The following NUP133 variants were observed in gnomAD, a reference collection of about 807,000 sequenced individuals.
The protein encoded by NUP133 is nucleoporin 133, also known as nuclear pore complex protein Nup133.
In NUP133, 66 loss-of-function variants were observed where a neutral mutation model predicts 146.2. The ratio of observed to expected loss-of-function variants is 0.45; its 90% CI spans 0.37 to 0.55. The LOEUF (loss-of-function observed/expected upper bound fraction) is 0.55. NUP133 is among the 20% of genes least tolerant of loss of function. NUP133 has a pLI of 0.00. For synonymous variants in NUP133, 521 were observed against 498.8 expected, an observed-to-expected ratio of 1.04 and a Z score of -0.59; for missense variants, 1,277 against 1,374.8, an observed-to-expected ratio of 0.93 and a Z score of 1.12.
intron 12 of NUP133, among the ~76,000 whole-genome samples, chr1:229,483,680 G>A (rs1661273660): frequency 6.8e-6 from 1 of 146,050 alleles, no homozygotes; most frequent in African/African-American, 2.6e-5. Context: ...ACTCTAGCCT[G>A]GGCGACGGAG....
intron 9 of NUP133, 48 bp from the exon 10 acceptor site, chr1:229,487,661 T>C (rs1265332066): frequency 7.3e-7 from 1 of 1,374,788 alleles, no homozygotes; most frequent in South Asian, 1.3e-5. Context: ...AAAACAAAAA[T>C]ATTTGTATGA....
rs1309999007 is a variant in NUP133 at position 229,441,509 on chromosome 1, A to G, written c.*395T>C. The G allele has an allele frequency of 5.8e-6, 3 of 520,922 alleles. No homozygotes were observed. Among genetic ancestry groups the G allele is most frequent in the Non-Finnish European group, 1.2e-5 (3 of 254,200 alleles). 32.3% of individuals were successfully genotyped at this position (520,922 alleles called of 1,614,324 possible). ...AAACACCCTAGATTCTCTTCAGTGC[A>G]AAGTATCTGGAGTCACAGCAATTTT... On this transcript the variant is annotated 3_prime_UTR_variant, in exon 26 of 26. Coordinates refer to ENST00000261396, the MANE Select transcript of NUP133 (RefSeq NM_018230.3).
At position 229,490,098 on chromosome 1, in the gene NUP133, C is replaced by T. The variant is rs751314492; in HGVS notation, c.1051G>A (p.Gly351Arg). The T allele has an allele frequency of 6.5e-7, 1 of 1,550,072 alleles. No individual in the cohort carries two copies. Among genetic ancestry groups the T allele is most frequent in the South Asian group, 1.2e-5 (1 of 81,438 alleles). ...RYLDLKQNCD[G>R]LVILAAAWHS... ...CATGCTGCTGCCAAAATCACCAGCC[C>T]ATCACTAATCAATAAAAAAGGAAGA... Residue 351 changes from glycine to arginine, a missense_variant, in exon 9 of 26, where the codon GGG becomes AGG. Around this residue, in one of 3 missense-constraint regions of NUP133, gnomAD observed 952 missense variants for 1,047.0 expected, o/e 0.91. Transcript: ENST00000261396.
At chr1:229,444,521 C>T (rs1444032695) in intron 25 of NUP133, among the ~76,000 whole-genome samples, 1 of 151,858 alleles carries the variant, frequency 6.6e-6, no homozygotes, top group African/African-American at 2.4e-5. Flanking sequence ...TGAAAGGAAG[C>T]TACAAATCTG....
Position 229,452,587 on chromosome 1 carries a change from G to A in NUP133, c.3037C>T (p.Leu1013=). The change falls in exon 22 of 26, where the codon CTG becomes TTG. Residue 1013 remains leucine (L), a synonymous_variant. Coordinates refer to ENST00000261396, the MANE Select transcript of NUP133 (RefSeq NM_018230.3). Reference sequence around the variant, plus strand: ...CTGAGATTTAGCTGTTTCTCCGCCAGCAGCTGTTCAGGTAGGGTCTCCTGA... The same window carrying A: ...CTGAGATTTAGCTGTTTCTCCGCCAACAGCTGTTCAGGTAGGGTCTCCTGA... ...LHQETLPEQL[L]AEKQLNLSAM... 1 of 1,613,980 alleles carries A rather than the reference G, an allele frequency of 6.2e-7. No individual in the cohort carries two copies. The highest frequency in any genetic ancestry group is 8.5e-7 in the Non-Finnish European group (1 of 1,179,890).
chr1:229,455,432 G>A (rs1293194941), intron 21 of NUP133, among the ~76,000 whole-genome samples: 1 of 152,102 alleles, frequency 6.6e-6, no homozygotes, highest in Non-Finnish European at 1.5e-5. Flanking sequence ...ATGGGAGCAT[G>A]CACCTGTAGT....
In NUP133 at chr1:229,450,600, A is replaced by G. The variant is rs374077818; in HGVS notation, c.3105T>C (p.Tyr1035=). The G allele has an allele frequency of 6.2e-5, 95 of 1,523,900 alleles. 1 individual carries two copies. Among genetic ancestry groups the G allele is most frequent in the Non-Finnish European group, 8.3e-5 (92 of 1,107,960 alleles). The allele number at this position is 1,523,900 out of a possible 1,614,324, so 94.4% of individuals were successfully genotyped here. A position where few individuals can be genotyped will look rare whatever the true frequency, so the allele number is the denominator to read the frequency against. ...TAGCTCTTCTATTTTCTTCACAGAT[A>G]TATAGCTATGACAAGTTAAAATAAG... ...VLTAPQLIGL[Y]ICEENRRANE... Residue 1035 remains tyrosine, a synonymous_variant, in exon 23 of 26, where the codon TAT becomes TAC. Transcript: ENST00000261396.
chr1:229,475,091 CCT>C (rs1381119410), intron 14 of NUP133, among the ~76,000 whole-genome samples: 1 of 151,532 alleles, frequency 6.6e-6, no homozygotes, highest in African/African-American at 2.4e-5. Context: ...AACAGAGTGC[CCT>C]GTCTCAATAA....
At position 229,493,362 on chromosome 1, in the gene NUP133, G is replaced by A. The variant is rs566669951; in HGVS notation, c.1046+2133C>T. Among the ~76,000 whole-genome samples, 23 of 152,082 alleles carry A rather than the reference G, an allele frequency of 1.5e-4. 1 individual carries two copies. The highest frequency in any genetic ancestry group is 6.2e-4 in the South Asian group (3 of 4,818). ...CAGCTAATTTTTTATTTTTATTTGC[G>A]TGGAGATAGGGTCTCGTTTTGTTGC... On this transcript the variant is annotated intron_variant, in intron 8 of 25. Transcript: ENST00000261396.
intron 14 of NUP133, among the ~76,000 whole-genome samples, chr1:229,471,936 G>A (rs1057380486): frequency 1.3e-5 from 2 of 152,060 alleles, no homozygotes; most frequent in Admixed American, 1.3e-4. Context: ...GAATCCTAAT[G>A]TATTTAACCT....
Position 229,465,622 on chromosome 1 carries a change from C to G in NUP133, c.2200-103G>C. ...AAGTAAATTAGTAAGAAAAAATACT[C>G]AGGGGCCAGGAATGTTGGCTCACAC... On this transcript the variant is annotated intron_variant, in intron 16 of 25. Transcript: ENST00000261396. 5.9e-6 allele frequency: 5 copies of G among 854,330 alleles called. No homozygotes were observed. The South Asian group carries it at 7.0e-5, about 12-fold the overall frequency. The allele number at this position is 854,330 out of a possible 1,614,324, so 52.9% of individuals were successfully genotyped here. A position where few individuals can be genotyped will look rare whatever the true frequency, so the allele number is the denominator to read the frequency against.
At chr1:229,493,728 G>A (rs1360343113) in intron 8 of NUP133, among the ~76,000 whole-genome samples, 3 of 152,210 alleles carry the variant, frequency 2.0e-5, no homozygotes, top group African/African-American at 7.2e-5. Flanking sequence ...GACCCTGCTG[G>A]TCAGCATGAC....
intron 8 of NUP133, among the ~76,000 whole-genome samples, chr1:229,490,888 T>G (rs1236023926): frequency 6.6e-6 from 1 of 151,090 alleles, no homozygotes. Flanking sequence ...GAGGTGGAGG[T>G]TGCAGTGAGC....
chr1:229,494,471 T>C (rs1222010330), intron 8 of NUP133, among the ~76,000 whole-genome samples: 2 of 152,230 alleles, frequency 1.3e-5, no homozygotes, highest in East Asian at 1.9e-4. Flanking sequence ...AAAATTACTC[T>C]AAAACTCATA....
At chr1:229,470,095 G>A (rs1241378785) in intron 15 of NUP133, among the ~76,000 whole-genome samples, 1 of 152,086 alleles carries the variant, frequency 6.6e-6, no homozygotes, top group Non-Finnish European at 1.5e-5. Flanking sequence ...AGTAGCTCAC[G>A]CCTGTAATCC....
intron 10 of NUP133, 50 bp from the exon 11 acceptor site, chr1:229,486,578 T>C: frequency 6.5e-7 from 1 of 1,546,012 alleles, no homozygotes; most frequent in Non-Finnish European, 8.7e-7. Context: ...AACAACAAAA[T>C]GCTATGTAAA....
intron 8 of NUP133, among the ~76,000 whole-genome samples, chr1:229,491,770 T>C (rs893689011): frequency 1.3e-5 from 2 of 151,868 alleles, no homozygotes; most frequent in South Asian, 2.1e-4. Flanking sequence ...AGTGTGAGAC[T>C]CTAACTCAAA....
rs1048714936 is a variant in NUP133, at chr1:229,508,299, G to A, written c.-50C>T. ...CAGCGAGGGATCTGGCCGTCAGGTTGCAGCCTGGCCTGCGCGCGGAACTTA... is the reference window on the plus strand; with the variant it reads ...CAGCGAGGGATCTGGCCGTCAGGTTACAGCCTGGCCTGCGCGCGGAACTTA... On this transcript the variant is annotated 5_prime_UTR_variant, in exon 1 of 26. Coordinates refer to ENST00000261396, the MANE Select transcript of NUP133 (RefSeq NM_018230.3). 5 of 1,354,282 alleles carry A rather than the reference G, an allele frequency of 3.7e-6. No homozygotes were observed. The highest frequency in any genetic ancestry group is 1.5e-5 in the African/African-American group (1 of 65,604). 83.9% of individuals were successfully genotyped at this position (1,354,282 alleles called of 1,614,324 possible).
In NUP133 at chr1:229,508,227, G is replaced by A. The variant is rs1661997580; in HGVS notation, c.23C>T (p.Pro8Leu). The A allele has an allele frequency of 4.5e-6, 7 of 1,541,332 alleles. No individual in the cohort carries two copies. The East Asian group carries it at 1.5e-4, about 33-fold the overall frequency. ...TCGGGACCCGGTACCCGGGGTCCGC[G>A]GAGAAGGGGCGGCTGGGAACATGAC... MFPAAPS[P>L]RTPGTGSRRG... is the part of the protein sequence containing the mutation. Residue 8 changes from proline to leucine, a missense_variant, in exon 1 of 26, where the codon CCG becomes CTG. By Grantham distance (98) the Pro-to-Leu change is moderately conservative (BLOSUM62 -3). Transcript: ENST00000261396.
Sources: gnomAD v4.1 joint callset for allele counts (sites outside exome capture counted in the v4.1 genomes callset) on GRCh38, gnomAD v4.1.1 for gene constraint, gnomAD v4.1.1 regional missense constraint, MANE v1.5 for transcripts, NCBI Gene and HGNC (gene_info 2026-07-23, HGNC 2026-07-21) for gene names.